Variants in KCNIP3 observed in about 807,000 individuals in gnomAD.
The protein encoded by KCNIP3 is calsenilin.
A neutral mutation model predicts 35.0 loss-of-function variants in KCNIP3; 28 were observed. The ratio of observed to expected loss-of-function variants is 0.80; its 90% CI spans 0.59 to 1.10. KCNIP3 has a LOEUF of 1.10. KCNIP3 is among the 50% of genes least tolerant of loss of function. The pLI, the probability that KCNIP3 is intolerant of heterozygous loss-of-function variation, is 0.00. For missense variants in KCNIP3, 295 were observed against 338.4 expected, an observed-to-expected ratio of 0.87 and a Z score of 1.01; for synonymous variants, 134 against 133.8, an observed-to-expected ratio of 1.00 and a Z score of -0.01.
At chr2:95,311,170 C>T (rs541832948) in intron 2 of KCNIP3, 203 of 157,244 alleles carry the variant, frequency 1.3e-3, no homozygotes, top group Non-Finnish European at 1.1e-3. Context: ...GCGGCCCCCA[C>T]GATCTCACAC....
At chr2:95,364,172 A>G (rs531890480) in intron 2 of KCNIP3, among the ~76,000 whole-genome samples, 16 of 152,312 alleles carry the variant, frequency 1.1e-4, no homozygotes, top group Middle Eastern at 3.4e-3. Context: ...ATATAAGCAA[A>G]TCACGTTAAA....
chr2:95,363,718 C>T (rs1174788909), intron 2 of KCNIP3, among the ~76,000 whole-genome samples: 4 of 152,126 alleles, frequency 2.6e-5, no homozygotes, highest in Admixed American at 1.3e-4. Context: ...TGGAATGTCT[C>T]ATGTATTCAG....
In KCNIP3 at chr2:95,383,082, G is replaced by A. The variant is rs917452584; in HGVS notation, c.661-150G>A. The A allele has an allele frequency of 4.2e-6, 3 of 706,880 alleles. No individual in the cohort carries two copies. The African/African-American group carries it at 5.2e-5, about 12-fold the overall frequency. 43.8% of individuals were successfully genotyped at this position (706,880 alleles called of 1,614,324 possible). On this transcript the variant is annotated intron_variant, in intron 7 of 8. Transcript: ENST00000295225. ...GATTATGTGGCCTGGATCCAGAGTA[G>A]TCACAGGGGACAAGTTAGAGTGGAG...
chr2:95,362,260 C>G (rs1241883306), intron 2 of KCNIP3, among the ~76,000 whole-genome samples: 14 of 152,182 alleles, frequency 9.2e-5, no homozygotes, highest in Admixed American at 6.5e-5. Flanking sequence ...GCATGCACCA[C>G]TATGCCCGGC....
At chr2:95,354,404 G>T (rs1679602509) in intron 2 of KCNIP3, among the ~76,000 whole-genome samples, 2 of 152,248 alleles carry the variant, frequency 1.3e-5, no homozygotes, top group African/African-American at 4.8e-5. Context: ...AGGTAACATG[G>T]AGTCTTGGCC....
At chr2:95,316,188 C>G (rs1186256315) in intron 2 of KCNIP3, among the ~76,000 whole-genome samples, 5 of 152,350 alleles carry the variant, frequency 3.3e-5, no homozygotes, top group Non-Finnish European at 5.9e-5. Flanking sequence ...TTAGACTCAT[C>G]GTGTGTCATT....
At chr2:95,306,524 G>A (rs1351301040) in intron 1 of KCNIP3, among the ~76,000 whole-genome samples, 6 of 152,204 alleles carry the variant, frequency 3.9e-5, no homozygotes, top group Non-Finnish European at 2.9e-5. Flanking sequence ...TGAGATGGAG[G>A]TGCATGGGGG....
intron 1 of KCNIP3, among the ~76,000 whole-genome samples, chr2:95,305,715 C>A (rs1278898574): frequency 6.6e-6 from 1 of 152,170 alleles, no homozygotes; most frequent in African/African-American, 2.4e-5. Context: ...AAAACTTTGT[C>A]ATTTTACAAT....
At chr2:95,301,604 C>T (rs1678032147) in intron 1 of KCNIP3, among the ~76,000 whole-genome samples, 1 of 152,236 alleles carries the variant, frequency 6.6e-6, no homozygotes, top group Non-Finnish European at 1.5e-5. Flanking sequence ...TGGCCCCTGG[C>T]ACAGAGTGAG....
At chr2:95,322,240 T>A (rs1400998551) in intron 2 of KCNIP3, among the ~76,000 whole-genome samples, 2 of 152,138 alleles carry the variant, frequency 1.3e-5, no homozygotes, top group African/African-American at 4.8e-5. Flanking sequence ...GACACACACC[T>A]GTGGTCCTAG....
chr2:95,329,108 T>C (rs961950947), intron 2 of KCNIP3, among the ~76,000 whole-genome samples: 5 of 152,216 alleles, frequency 3.3e-5, no homozygotes, highest in Non-Finnish European at 5.9e-5. Context: ...TGGGCTGTGA[T>C]GAGAGAAGAA....
At chr2:95,322,659 T>A (rs1678625662) in intron 2 of KCNIP3, among the ~76,000 whole-genome samples, 1 of 152,208 alleles carries the variant, frequency 6.6e-6, no homozygotes, top group South Asian at 2.1e-4. Flanking sequence ...GGTTTTCTTG[T>A]CTGTGAAGTG....
At chr2:95,312,016 G>A (rs529226125) in intron 2 of KCNIP3, 1 of 152,328 alleles carries the variant, frequency 6.6e-6, no homozygotes, top group African/African-American at 2.4e-5. Flanking sequence ...TTAGGGTGGG[G>A]GCGAGAGCAC....
chr2:95,331,722 G>C (rs1336122541), intron 2 of KCNIP3, among the ~76,000 whole-genome samples: 1 of 152,170 alleles, frequency 6.6e-6, no homozygotes, highest in African/African-American at 2.4e-5. Context: ...CGGTAGCCAC[G>C]AGGGCTCCCA....
intron 2 of KCNIP3, among the ~76,000 whole-genome samples, chr2:95,343,380 A>C (rs1361797594): frequency 1.3e-5 from 2 of 152,156 alleles, no homozygotes; most frequent in Non-Finnish European, 2.9e-5. Flanking sequence ...AGAATAAATA[A>C]ATTGAATAAT....
chr2:95,318,650 C>T (rs973774444), intron 2 of KCNIP3, among the ~76,000 whole-genome samples: 4 of 152,152 alleles, frequency 2.6e-5, no homozygotes, highest in Non-Finnish European at 4.4e-5. Context: ...GACCAAGTCT[C>T]GGCCACGGGG....
intron 2 of KCNIP3, among the ~76,000 whole-genome samples, chr2:95,335,820 G>T (rs976249309): frequency 4.6e-5 from 7 of 151,812 alleles, no homozygotes; most frequent in Non-Finnish European, 7.4e-5. Flanking sequence ...TTATACATTT[G>T]TTAGACTTTT....
At chr2:95,383,123 A>ATCCCCCCCCCCCCCCC in intron 7 of KCNIP3, 109 bp from the exon 8 acceptor site, 1 of 238,786 alleles carries the variant, frequency 4.2e-6, no homozygotes, top group Admixed American at 5.4e-5. Flanking sequence ...CCACCCGCCC[A>ATCCCCCCCCCCCCCCC]TCCACCCACC....
chr2:95,357,941 G>A (rs913894110), intron 2 of KCNIP3, among the ~76,000 whole-genome samples: 1 of 152,186 alleles, frequency 6.6e-6, no homozygotes, highest in Non-Finnish European at 1.5e-5. Context: ...GTGTCACACA[G>A]GGGCATGAAT....
Sources: allele counts gnomAD v4.1 joint callset (sites outside exome capture counted in the v4.1 genomes callset), GRCh38; gene constraint gnomAD v4.1.1; transcripts MANE v1.5; gene names NCBI Gene and HGNC (gene_info 2026-07-23, HGNC 2026-07-21).